PREX1: variants seen among roughly 807,000 people sequenced by gnomAD.
PREX1 encodes the protein phosphatidylinositol 3,4,5-trisphosphate-dependent Rac exchanger 1 protein.
A neutral mutation model predicts 198.3 loss-of-function variants in PREX1; 41 were observed. The ratio of observed to expected loss-of-function variants is 0.21; its 90% CI spans 0.16 to 0.27. The LOEUF is 0.27. Ranked by LOEUF, PREX1 falls within the 10% of genes least tolerant of loss-of-function variation. The probability of loss-of-function intolerance (pLI) is 1.00; values close to 1 mark genes in which losing one functional copy is unlikely to be tolerated. For synonymous variants in PREX1, 843 were observed against 887.2 expected (o/e 0.95, Z 0.89); for missense variants, 1,620 against 2,200.7 (o/e 0.74, Z 5.28).
chr20:48,641,038 T>C lies in PREX1; in HGVS notation c.3775+1130A>G, dbSNP rs956506377. 7.5e-4 allele frequency among the ~76,000 whole-genome samples: 114 copies of C among 151,436 alleles called. 1 individual carries two copies. The highest frequency in any genetic ancestry group is 2.6e-3 in the African/African-American group (107 of 41,216). On this transcript the variant is annotated intron_variant, in intron 29 of 39. Transcript: ENST00000371941. ...ATGAGTGGATGGATAGATGGGTGGATAGATGGATAGACAGTGGGAGGGTAG... is the reference window on the plus strand; with the variant it reads ...ATGAGTGGATGGATAGATGGGTGGACAGATGGATAGACAGTGGGAGGGTAG...
Position 48,644,866 on chromosome 20 carries a change from G to A in PREX1, c.3513-369C>T, listed in dbSNP as rs8123846. On this transcript the variant is annotated intron_variant, in intron 26 of 39. Transcript: ENST00000371941. ...TTCCGTCTCCTCAGCCCCCAGCCTG[G>A]CTGGAAACCTCATGAGGACAGGGAC... 2.3e-3 allele frequency among the ~76,000 whole-genome samples: 348 copies of A among 152,346 alleles called. 2 individuals carry two copies. The highest frequency in any genetic ancestry group is 8.0e-3 in the African/African-American group (331 of 41,580).
In PREX1 at chr20:48,734,669, G is replaced by T; in HGVS notation, c.415-19C>A. 1 of 1,607,496 alleles carries T rather than the reference G, an allele frequency of 6.2e-7. No individual in the cohort carries two copies. The highest frequency in any genetic ancestry group is 1.1e-5 in the South Asian group (1 of 90,958). ...TGTCCTTCTGCAAGACAAGGACAGA[G>T]CCTGTGGGAGGCAGGTCATGGTAGC... On this transcript the variant is annotated intron_variant, in intron 3 of 39. Transcript: ENST00000371941.
At chr20:48,708,519 CT>C (rs2089914213) in intron 5 of PREX1, 98 bp from the exon 6 acceptor site, 1 of 1,318,090 alleles carries the variant, frequency 7.6e-7, no homozygotes, top group African/African-American at 1.5e-5. Flanking sequence ...ACAAAAACTC[CT>C]CGCCTGGTGG....
intron 5 of PREX1, among the ~76,000 whole-genome samples, chr20:48,726,028 G>A (rs2090008350): frequency 6.6e-6 from 1 of 152,112 alleles, no homozygotes; most frequent in Non-Finnish European, 1.5e-5. Context: ...TCTTAGTAGA[G>A]AGGTTCACTC....
chr20:48,787,546 C>T (rs963545051), intron 1 of PREX1, among the ~76,000 whole-genome samples: 9 of 151,692 alleles, frequency 5.9e-5, no homozygotes, highest in African/African-American at 2.2e-4. Flanking sequence ...CTCTCTGCTG[C>T]TCCCCACATT....
At chr20:48,656,075 A>C (rs940001168) in intron 18 of PREX1, among the ~76,000 whole-genome samples, 1 of 151,734 alleles carries the variant, frequency 6.6e-6, no homozygotes, top group African/African-American at 2.4e-5. Flanking sequence ...CCACATACCA[A>C]CCCATCGATC....
chr20:48,630,728 C>G lies in PREX1; in HGVS notation c.4593G>C (p.Gln1531His). 6.3e-7 allele frequency: 1 copy of G among 1,589,164 alleles called. No individual in the cohort carries two copies. The highest frequency in any genetic ancestry group is 8.6e-7 in the Non-Finnish European group (1 of 1,157,380). Residue 1531 changes from glutamine to histidine, a missense_variant and splice_region_variant, in exon 36 of 40, where the codon CAG becomes CAC. By Grantham distance (24) the Gln-to-His change is conservative. This residue lies in a region of PREX1 where 476 missense variants were observed against 603.4 expected (regional missense o/e 0.79). Coordinates refer to ENST00000371941, the MANE Select transcript of PREX1 (RefSeq NM_020820.4). ...GCAGCAGGAGGGCACGTGGACATAC[C>G]TGGTCTATCTTTACCGCCGTGGTGC... ...DASTTAVKID[Q>H]LIRPINALDE...
the PREX1 span, among the ~76,000 whole-genome samples, chr20:48,878,207 C>T: frequency 6.6e-6 from 1 of 152,208 alleles, no homozygotes; most frequent in Non-Finnish European, 1.5e-5. Flanking sequence ...CCTAGTCTCC[C>T]CTTCGTTCAC....
chr20:48,807,507 C>T (rs1438690937), intron 1 of PREX1, among the ~76,000 whole-genome samples: 2 of 152,208 alleles, frequency 1.3e-5, no homozygotes, highest in African/African-American at 4.8e-5. Flanking sequence ...CACAGAGTTG[C>T]CAATTTCTTT....
rs1193708103 is a variant in PREX1, at chr20:48,627,549, G to A, written c.4936C>T (p.Arg1646Cys). 8 of 1,613,814 alleles carry A rather than the reference G, an allele frequency of 5.0e-6. No individual in the cohort carries two copies. Among genetic ancestry groups the A allele is most frequent in the South Asian group, 3.3e-5 (3 of 91,088 alleles). Residue 1646 changes from arginine to cysteine, a missense_variant and splice_region_variant, in exon 39 of 40, where the codon CGC (arginine) becomes TGC (cysteine). Arg to Cys is a radical substitution (Grantham distance 180). This residue lies in a region of PREX1 where 476 missense variants were observed against 603.4 expected (regional missense o/e 0.79). Coordinates refer to ENST00000371941, the MANE Select transcript of PREX1 (RefSeq NM_020820.4). ...VKDQMPQGAP[R>C]LYRLCQPPVD... Reference sequence around the variant, plus strand: ...GGGGCGGACGAGGCAGCCACTCACCGCGGAGCACCCTGGGGCATCTGGTCC... The same window carrying A: ...GGGGCGGACGAGGCAGCCACTCACCACGGAGCACCCTGGGGCATCTGGTCC...
intron 26 of PREX1, among the ~76,000 whole-genome samples, chr20:48,645,094 A>G (rs1358690307): frequency 2.0e-5 from 3 of 152,262 alleles, no homozygotes; most frequent in Non-Finnish European, 4.4e-5. Context: ...CAGCAGCCAG[A>G]TACAGACGCC....
chr20:48,767,265 G>GCTCA (rs1695888301), intron 1 of PREX1, among the ~76,000 whole-genome samples: 1 of 152,224 alleles, frequency 6.6e-6, no homozygotes, highest in Admixed American at 6.5e-5. Flanking sequence ...GACTACGACA[G>GCTCA]CTCACCAGGG....
chr20:48,647,453 G>A (rs1160339669), intron 25 of PREX1, among the ~76,000 whole-genome samples: 9 of 151,106 alleles, frequency 6.0e-5, no homozygotes, highest in Admixed American at 6.6e-5. Context: ...CCCAGGAGGC[G>A]GAGGTTGCAG....
chr20:48,731,602 A>G (rs2090034960), intron 4 of PREX1, among the ~76,000 whole-genome samples: 1 of 152,262 alleles, frequency 6.6e-6, no homozygotes, highest in Non-Finnish European at 1.5e-5. Context: ...ATCATTCTCC[A>G]TCACTCAGCT....
chr20:48,812,247 G>A (rs1055158422), intron 1 of PREX1, among the ~76,000 whole-genome samples: 1 of 151,960 alleles, frequency 6.6e-6, no homozygotes, highest in Non-Finnish European at 1.5e-5. Flanking sequence ...AATATAAGAG[G>A]AATGGGTAAA....
the PREX1 span, among the ~76,000 whole-genome samples, chr20:48,879,003 G>A: frequency 6.6e-6 from 1 of 152,222 alleles, no homozygotes; most frequent in African/African-American, 2.4e-5. Flanking sequence ...CGGTGAAGCA[G>A]GAAGAGGAAA....
At chr20:48,747,951 C>T in intron 1 of PREX1, 71 bp from the exon 2 acceptor site, 1 of 1,400,970 alleles carries the variant, frequency 7.1e-7, no homozygotes, top group Non-Finnish European at 9.9e-7. Context: ...CTACAGAAGG[C>T]TCTCAAGTTC....
Position 48,685,364 on chromosome 20 carries a change from A to T in PREX1, c.1334+3293T>A, listed in dbSNP as rs529966537. ...GCATCTAAGAGATTTTTCTCTGAGT[A>T]GGGCAGAAAGAGGCCCCTCCTTCAT... On this transcript the variant is annotated intron_variant, in intron 10 of 39. Transcript: ENST00000371941. 3.9e-5 allele frequency among the ~76,000 whole-genome samples: 6 copies of T among 152,350 alleles called. No homozygotes were observed. The South Asian group carries it at 1.2e-3, about 32-fold the overall frequency.
At chr20:48,773,548 C>G (rs182190888) in intron 1 of PREX1, among the ~76,000 whole-genome samples, 1 of 152,280 alleles carries the variant, frequency 6.6e-6, no homozygotes, top group Non-Finnish European at 1.5e-5. Context: ...CTGAGACTGA[C>G]ATGAAGAGGT....
Sources: allele counts gnomAD v4.1 joint callset (sites outside exome capture counted in the v4.1 genomes callset), GRCh38; gene constraint gnomAD v4.1.1; regional missense constraint gnomAD v4.1.1; transcripts MANE v1.5; gene names NCBI Gene and HGNC (gene_info 2026-07-23, HGNC 2026-07-21).